PROM1: variants seen among roughly 807,000 people sequenced by gnomAD.
PROM1 encodes the protein prominin-1.
A neutral mutation model predicts 116.9 loss-of-function variants in PROM1; 105 were observed. That is an observed-to-expected ratio of 0.90 (90% CI 0.77 to 1.06). The LOEUF (loss-of-function observed/expected upper bound fraction) is 1.06. Among genes scored for constraint, PROM1 ranks in the 50% least tolerant of loss-of-function variants. PROM1 has a pLI of 0.00. For synonymous variants in PROM1, 393 were observed against 387.0 expected, an observed-to-expected ratio of 1.02 and a Z score of -0.18; for missense variants, 1,122 against 1,045.2, an observed-to-expected ratio of 1.07 and a Z score of -1.01.
intron 2 of PROM1, among the ~76,000 whole-genome samples, chr4:16,072,886 C>T (rs7666421): frequency 0.69 from 105,306 of 151,944 alleles, 37,810 homozygotes; most frequent in Non-Finnish European, 0.8. Flanking sequence ...AACTGGCTCA[C>T]CTGGTCTTGT....
chr4:16,013,497 A>G (rs975378936), intron 10 of PROM1, among the ~76,000 whole-genome samples, 159 bp from the exon 11 acceptor site: 7 of 152,244 alleles, frequency 4.6e-5, no homozygotes, highest in Non-Finnish European at 7.3e-5. Flanking sequence ...AAGAGTCTAA[A>G]AAAATCCCCT....
At chr4:16,056,112 G>C (rs936699107) in intron 2 of PROM1, among the ~76,000 whole-genome samples, 1 of 152,132 alleles carries the variant, frequency 6.6e-6, no homozygotes, top group Non-Finnish European at 1.5e-5. Context: ...GGTCAGAGCT[G>C]TCAGGAGTAC....
At chr4:15,976,913 G>C (rs1716278802) in intron 26 of PROM1, among the ~76,000 whole-genome samples, 1 of 152,158 alleles carries the variant, frequency 6.6e-6, no homozygotes, top group Non-Finnish European at 1.5e-5. Context: ...AGAGCCTACA[G>C]CTCTATGGCA....
Position 15,991,306 on chromosome 4 carries a change from T to A in PROM1, c.1912-13A>T, listed in dbSNP as rs1247172780. On this transcript the variant is annotated splice_polypyrimidine_tract_variant and intron_variant, in intron 17 of 27. Coordinates refer to ENST00000447510, the MANE Select transcript of PROM1 (RefSeq NM_006017.3). ...GGGATTTACCAGTCTACAATAGAAGTGAAAAAAATTGTCTTATGGATATGG... is the reference window on the plus strand; with the variant it reads ...GGGATTTACCAGTCTACAATAGAAGAGAAAAAAATTGTCTTATGGATATGG... 2 of 1,567,696 alleles carry A rather than the reference T, an allele frequency of 1.3e-6. No individual in the cohort carries two copies. Among genetic ancestry groups the A allele is most frequent in the Non-Finnish European group, 8.6e-7 (1 of 1,158,768 alleles).
chr4:16,046,586 T>G (rs751258717), intron 2 of PROM1, among the ~76,000 whole-genome samples: 5 of 152,246 alleles, frequency 3.3e-5, no homozygotes, highest in Non-Finnish European at 7.3e-5. Flanking sequence ...GTAGGAGATA[T>G]AATCACTTCT....
intron 2 of PROM1, among the ~76,000 whole-genome samples, chr4:16,043,481 C>T (rs10004989): frequency 3.3e-5 from 5 of 152,078 alleles, no homozygotes; most frequent in African/African-American, 1.2e-4. Flanking sequence ...TGGCTTTTTC[C>T]GGGGAGAAAT....
Position 16,075,847 on chromosome 4 carries a change from T to G in PROM1, c.60A>C (p.Gly20=), listed in dbSNP as rs1302346502. The G allele has an allele frequency of 2.5e-6, 4 of 1,613,584 alleles. No homozygotes were observed. Among genetic ancestry groups the G allele is most frequent in the African/African-American group, 1.3e-5 (1 of 74,890 alleles). ...LLGLCGNSFS[G]GQPSSTDAPK... ...GAGCATCTGTGGATGAAGGCTGCCC[T>G]CCTGAAAAGGAGTTCCCGCACAGCC... The change falls in exon 2 of 28, where the codon GGA becomes GGC. Residue 20 remains glycine (G), a synonymous_variant. Transcript: ENST00000447510.
intron 8 of PROM1, among the ~76,000 whole-genome samples, chr4:16,019,915 G>A (rs1829271): frequency 0.9 from 136,469 of 152,096 alleles, 61,581 homozygotes; most frequent in Middle Eastern, 0.95. Flanking sequence ...AAATGTTTCC[G>A]TGTTGAGTCT....
chr4:15,986,048 C>T lies in PROM1; in HGVS notation c.2131-11G>A. 1.3e-6 allele frequency: 2 copies of T among 1,536,826 alleles called. No homozygotes were observed. Among genetic ancestry groups the T allele is most frequent in the East Asian group, 2.3e-5 (1 of 43,548 alleles). On this transcript the variant is annotated splice_polypyrimidine_tract_variant and intron_variant, in intron 20 of 27. Coordinates refer to ENST00000447510, the MANE Select transcript of PROM1 (RefSeq NM_006017.3). ...CCTAGTTACTCTCTCCTGAAAGACA[C>T]AGCCACAGTTATCAGGGTATCAAGT...
In PROM1 at chr4:16,010,026, G is replaced by A. The variant is rs546288042; in HGVS notation, c.1142-918C>T. Reference sequence around the variant, plus strand: ...AACAAACAAACAGAAAAACACAAGTGACTCTGGGTGATATTTTTGTTAAAA... The same window carrying A: ...AACAAACAAACAGAAAAACACAAGTAACTCTGGGTGATATTTTTGTTAAAA... On this transcript the variant is annotated intron_variant, in intron 11 of 27. Coordinates refer to ENST00000447510, the MANE Select transcript of PROM1 (RefSeq NM_006017.3). 1.2e-3 allele frequency among the ~76,000 whole-genome samples: 185 copies of A among 151,448 alleles called. 6 individuals are homozygous for A. In the South Asian group the frequency reaches 0.037, roughly 30 times the overall value.
At chr4:16,077,541 A>G (rs931359410) in intron 1 of PROM1, among the ~76,000 whole-genome samples, 1 of 152,064 alleles carries the variant, frequency 6.6e-6, no homozygotes, top group Non-Finnish European at 1.5e-5. Flanking sequence ...TTCTTTCTCT[A>G]TACTTTGTCT....
intron 11 of PROM1, among the ~76,000 whole-genome samples, chr4:16,012,163 A>G (rs1056016414): frequency 7.2e-5 from 11 of 151,924 alleles, no homozygotes; most frequent in African/African-American, 2.7e-4. Flanking sequence ...TGCCTGGCTA[A>G]TTTTTGTATT....
intron 2 of PROM1, among the ~76,000 whole-genome samples, chr4:16,063,471 C>T (rs1007149890): frequency 2.6e-5 from 4 of 152,142 alleles, no homozygotes; most frequent in African/African-American, 9.7e-5. Flanking sequence ...TGGCACATGC[C>T]TGTAGTCCCA....
At chr4:16,001,706 G>C (rs1723899512) in intron 13 of PROM1, among the ~76,000 whole-genome samples, 1 of 152,162 alleles carries the variant, frequency 6.6e-6, no homozygotes, top group African/African-American at 2.4e-5. Context: ...AAACCACATC[G>C]GAGTGGACCG....
At chr4:15,999,136 C>G (rs1723053454) in intron 14 of PROM1, among the ~76,000 whole-genome samples, 1 of 152,056 alleles carries the variant, frequency 6.6e-6, no homozygotes, top group Non-Finnish European at 1.5e-5. Context: ...AGTGGTGGAC[C>G]CAGTGCTGCG....
At chr4:15,992,978 C>T (rs775811492) in intron 16 of PROM1, among the ~76,000 whole-genome samples, 22 of 152,228 alleles carry the variant, frequency 1.4e-4, no homozygotes, top group Non-Finnish European at 2.9e-4. Context: ...CTGCACGTCC[C>T]AGGCAACCTC....
At chr4:16,043,481 C>G (rs10004989) in intron 2 of PROM1, among the ~76,000 whole-genome samples, 121,684 of 152,152 alleles carry the variant, frequency 0.8, 49,229 homozygotes, top group East Asian at 0.94. Context: ...TGGCTTTTTC[C>G]GGGGAGAAAT....
At chr4:16,049,283 C>A (rs2149461790) in intron 2 of PROM1, among the ~76,000 whole-genome samples, 2 of 152,284 alleles carry the variant, frequency 1.3e-5, no homozygotes, top group East Asian at 1.9e-4. Flanking sequence ...CATGTGAGAT[C>A]ACAAACGCTG....
intron 12 of PROM1, 35 bp from the exon 13 acceptor site, chr4:16,006,725 A>T (rs1725600608): frequency 1.9e-6 from 3 of 1,602,722 alleles, no homozygotes; most frequent in Non-Finnish European, 1.7e-6. Context: ...TATACATGAC[A>T]CAGGTGACGC....
Sources: allele counts gnomAD v4.1 joint callset (sites outside exome capture counted in the v4.1 genomes callset), GRCh38; gene constraint gnomAD v4.1.1; transcripts MANE v1.5; gene names NCBI Gene and HGNC (gene_info 2026-07-23, HGNC 2026-07-21).